Variants in PHAF1 observed in about 807,000 individuals in gnomAD.
PHAF1 encodes phagophore assembly factor 1.
Under a neutral mutation model 63.1 loss-of-function variants are expected in PHAF1, and 23 were observed. The observed-to-expected ratio is 0.36, with a 90% CI of 0.26 to 0.52. The LOEUF (loss-of-function observed/expected upper bound fraction) is 0.52. Ranked by LOEUF, PHAF1 falls within the 20% of genes least tolerant of loss-of-function variation. The pLI is 0.93. For synonymous variants in PHAF1, 167 were observed against 185.0 expected, an observed-to-expected ratio of 0.90 and a Z score of 0.79; for missense variants, 427 against 517.2, an observed-to-expected ratio of 0.83 and a Z score of 1.69.
chr16:67,142,279 G>C (rs1325257901), intron 10 of PHAF1, among the ~76,000 whole-genome samples: 1 of 152,212 alleles, frequency 6.6e-6, no homozygotes, highest in Non-Finnish European at 1.5e-5. Context: ...GGTTTTTATG[G>C]GCTCAGAAGG....
In PHAF1 at chr16:67,134,383, C is replaced by G; in HGVS notation, c.577C>G (p.Leu193Val). The change falls in exon 8 of 16, where the codon CTG (leucine) becomes GTG (valine). Residue 193 changes from leucine to valine, a missense_variant. By Grantham distance (32) the Leu-to-Val change is conservative. Transcript: ENST00000219139. ...KAPMMPLSCF[L>V]GNVYAESVDV... ...TCCCATGATGCCTCTGAGCTGTTTCCTGGGCAATGTCTATGCTGAGAGTGT... is the reference window on the plus strand; with the variant it reads ...TCCCATGATGCCTCTGAGCTGTTTCGTGGGCAATGTCTATGCTGAGAGTGT... The G allele has an allele frequency of 6.2e-7, 1 of 1,614,148 alleles. No individual in the cohort carries two copies. The highest frequency in any genetic ancestry group is 8.5e-7 in the Non-Finnish European group (1 of 1,180,010).
intron 7 of PHAF1, 29 bp from the exon 8 acceptor site, chr16:67,134,326 G>A: frequency 1.2e-6 from 2 of 1,608,372 alleles, no homozygotes; most frequent in Admixed American, 1.7e-5. Context: ...AAAGAACCAA[G>A]CCTCTGCTCA....
At chr16:67,135,724 G>T (rs1433011453) in intron 8 of PHAF1, 1 of 151,956 alleles carries the variant, frequency 6.6e-6, no homozygotes, top group East Asian at 1.9e-4. Flanking sequence ...CTCCCTCCTT[G>T]GCTTTCCAAA....
At chr16:67,140,635 G>T in intron 10 of PHAF1, 41 bp downstream of exon 10, 1 of 1,419,784 alleles carries the variant, frequency 7.0e-7, no homozygotes, top group South Asian at 1.2e-5. Flanking sequence ...ATTTCTATTG[G>T]GGTGGGCAGT....
chr16:67,115,701 A>T (rs1962706719), intron 1 of PHAF1, among the ~76,000 whole-genome samples: 1 of 152,188 alleles, frequency 6.6e-6, no homozygotes, highest in African/African-American at 2.4e-5. Flanking sequence ...TTCCCTTTAG[A>T]GATCTTTCGT....
chr16:67,141,596 G>A (rs1963811509), intron 10 of PHAF1, among the ~76,000 whole-genome samples: 1 of 152,240 alleles, frequency 6.6e-6, no homozygotes, highest in African/African-American at 2.4e-5. Flanking sequence ...GGGTGTGTGA[G>A]CGAGTGAATG....
intron 10 of PHAF1, 138 bp downstream of exon 10, chr16:67,140,732 T>C: frequency 1.4e-6 from 1 of 701,596 alleles, no homozygotes; most frequent in Non-Finnish European, 2.4e-6. Flanking sequence ...TTGCCCAGGG[T>C]TGTTTTGCAT....
intron 3 of PHAF1, among the ~76,000 whole-genome samples, chr16:67,130,182 G>A (rs1159736153): frequency 6.6e-6 from 1 of 151,628 alleles, no homozygotes; most frequent in Non-Finnish European, 1.5e-5. Flanking sequence ...CAGTAGCTGG[G>A]ACTACAGGCG....
intron 4 of PHAF1, 200 bp from the exon 5 acceptor site, chr16:67,132,246 A>C (rs1292240792): frequency 3.6e-6 from 2 of 553,320 alleles, no homozygotes; most frequent in Non-Finnish European, 6.4e-6. Flanking sequence ...TCAACTCTGT[A>C]TATCAGCCTC....
chr16:67,136,823 G>A (rs57103278), intron 8 of PHAF1, among the ~76,000 whole-genome samples: 15 of 151,764 alleles, frequency 9.9e-5, no homozygotes, highest in Admixed American at 5.9e-4. Flanking sequence ...TTAAGCGGTC[G>A]TCCCACCTCA....
chr16:67,145,091 C>T (rs1035467322), intron 12 of PHAF1, among the ~76,000 whole-genome samples: 2 of 152,092 alleles, frequency 1.3e-5, no homozygotes, highest in Non-Finnish European at 2.9e-5. Context: ...TGTGGGATTG[C>T]CGGCCTCTGG....
At chr16:67,134,823 C>T (rs999356754) in intron 8 of PHAF1, 17 of 435,040 alleles carry the variant, frequency 3.9e-5, no homozygotes, top group African/African-American at 3.0e-4. Flanking sequence ...AATCACCTCC[C>T]AAAGCCCTGA....
At chr16:67,121,316 C>T (rs1442014106) in intron 2 of PHAF1, among the ~76,000 whole-genome samples, 4 of 151,510 alleles carry the variant, frequency 2.6e-5, no homozygotes, top group East Asian at 3.9e-4. Context: ...CTCAGCCTCC[C>T]GAGTAGCTGG....
At chr16:67,131,362 C>T in intron 4 of PHAF1, 33 bp downstream of exon 4, 1 of 1,480,802 alleles carries the variant, frequency 6.8e-7, no homozygotes, top group East Asian at 2.3e-5. Context: ...ATATGTCACA[C>T]TTGGTATAGA....
chr16:67,120,171 G>T lies in PHAF1; in HGVS notation c.124G>T (p.Val42Phe). The T allele has an allele frequency of 6.2e-7, 1 of 1,614,022 alleles. No homozygotes were observed. Among genetic ancestry groups the T allele is most frequent in the Non-Finnish European group, 8.5e-7 (1 of 1,179,958 alleles). ...LQKHCRIIKNVQVLYSEQSPL... is the reference protein window; with the variant it reads ...LQKHCRIIKNFQVLYSEQSPL... ...GAAGCACTGTCGCATCATCAAAAAC[G>T]TCCAGGTTCTCTACAGTGAACAGGT... The change falls in exon 2 of 16, where the codon GTC becomes TTC. Residue 42 changes from valine to phenylalanine, a missense_variant. Transcript: ENST00000219139.
At chr16:67,146,379 T>G in intron 15 of PHAF1, 29 bp downstream of exon 15, 1 of 1,601,370 alleles carries the variant, frequency 6.2e-7, no homozygotes, top group Non-Finnish European at 8.6e-7. Context: ...AGAAATAAAC[T>G]GCCTGGGGGG....
intron 8 of PHAF1, chr16:67,139,641 G>A (rs1203227979): frequency 1.4e-5 from 3 of 212,196 alleles, no homozygotes; most frequent in African/African-American, 2.3e-5. Context: ...GAGCCACCAC[G>A]TCTGGCCAGA....
At chr16:67,114,286 T>C (rs931800687) in intron 1 of PHAF1, among the ~76,000 whole-genome samples, 1 of 151,868 alleles carries the variant, frequency 6.6e-6, no homozygotes, top group Non-Finnish European at 1.5e-5. Context: ...AGCCAAGAGT[T>C]TGAGACCAGC....
rs984070494 is a variant in PHAF1, at chr16:67,125,818, TCCAAGCA to T, written c.148-137_148-131del. On this transcript the variant is annotated intron_variant, in intron 2 of 15. Transcript: ENST00000219139. ...TTCATGCAGCAGTTTTTTTCTGGTT[TCCAAGCA>T]CCATTAGCTGGAGGAGAGAGGGACT... is the stretch of plus-strand genomic sequence containing the variant. 122 of 641,072 alleles carry T rather than the reference TCCAAGCA, an allele frequency of 1.9e-4. 1 individual carries two copies. The highest frequency in any genetic ancestry group is 1.8e-3 in the African/African-American group (101 of 54,696). 39.7% of individuals were successfully genotyped at this position (641,072 alleles called of 1,614,324 possible). A position where few individuals can be genotyped will look rare whatever the true frequency, so the allele number is the denominator to read the frequency against.
Sources: gnomAD v4.1 joint callset for allele counts (sites outside exome capture counted in the v4.1 genomes callset) on GRCh38, gnomAD v4.1.1 for gene constraint, MANE v1.5 for transcripts, NCBI Gene and HGNC (gene_info 2026-07-23, HGNC 2026-07-21) for gene names.